The following MAPK10 variants were observed in gnomAD, a reference collection of about 807,000 sequenced individuals.
MAPK10 encodes the protein mitogen-activated protein kinase 10, also known as JNK3 alpha protein kinase.
MAPK10 carries 25 observed loss-of-function variants against 59.3 expected under a neutral mutation model. The observed-to-expected ratio is 0.42, with a 90% CI of 0.31 to 0.59. The LOEUF (loss-of-function observed/expected upper bound fraction) is 0.59, where lower values mean the gene tolerates loss of function less well. Ranked by LOEUF, MAPK10 falls within the 20% of genes least tolerant of loss-of-function variation. The probability of loss-of-function intolerance (pLI) is 0.15; values close to 1 mark genes in which losing one functional copy is unlikely to be tolerated. For synonymous variants in MAPK10, 190 were observed against 200.5 expected (o/e 0.95, Z 0.44); for missense variants, 351 against 568.9 (o/e 0.62, Z 3.90).
At chr4:86,212,714 C>T (rs10030225) in intron 2 of MAPK10, among the ~76,000 whole-genome samples, 8,007 of 151,828 alleles carry the variant, frequency 0.053, 569 homozygotes, top group African/African-American at 0.16. Flanking sequence ...AATAATAGAC[C>T]ATCAAAATAT....
intron 1 of MAPK10, among the ~76,000 whole-genome samples, chr4:86,493,397 A>G (rs1398741523): frequency 6.6e-6 from 1 of 152,186 alleles, no homozygotes; most frequent in Admixed American, 6.5e-5. Context: ...CAGAAAAGCA[A>G]ATTTTAAAAG....
At chr4:86,485,510 T>A (rs566302092) in intron 1 of MAPK10, among the ~76,000 whole-genome samples, 4 of 152,180 alleles carry the variant, frequency 2.6e-5, no homozygotes, top group Non-Finnish European at 4.4e-5. Context: ...TAATGAATGA[T>A]CAGATGAATT....
In MAPK10 at chr4:86,540,008, T is replaced by C. The variant is rs182013843; in HGVS notation, c.-263+53902A>G. Among the ~76,000 whole-genome samples the C allele has an allele frequency of 2.0e-5, 3 of 152,356 alleles. No homozygotes were observed. In the East Asian group the frequency reaches 5.8e-4, roughly 29 times the overall value. On this transcript the variant is annotated intron_variant, in intron 1 of 4. Coordinates refer to the MAPK10 transcript ENST00000502302. ...TATCAAATTGAATGTGGAGCTGTCA[T>C]TGGAAAATTTTAACCAAAGGGTTTT...
chr4:86,399,379 GT>G (rs1670548973), intron 1 of MAPK10, among the ~76,000 whole-genome samples: 1 of 152,052 alleles, frequency 6.6e-6, no homozygotes, highest in African/African-American at 2.4e-5. Flanking sequence ...ATTTTCATAT[GT>G]TTCTCAGCCA....
At chr4:86,516,580 T>A (rs745982315) in intron 1 of MAPK10, among the ~76,000 whole-genome samples, 1 of 152,158 alleles carries the variant, frequency 6.6e-6, no homozygotes, top group Non-Finnish European at 1.5e-5. Flanking sequence ...TATGGTTTTC[T>A]TCGTAAAGAT....
chr4:86,311,071 CAT>C (rs1332607334), intron 2 of MAPK10, among the ~76,000 whole-genome samples: 21 of 150,798 alleles, frequency 1.4e-4, no homozygotes, highest in African/African-American at 4.9e-4. Context: ...CACACACATA[CAT>C]GCACCCCAAC....
chr4:86,206,091 A>T (rs573882457), intron 2 of MAPK10, among the ~76,000 whole-genome samples: 2 of 151,848 alleles, frequency 1.3e-5, no homozygotes, highest in Admixed American at 6.6e-5. Context: ...CATGTGCACA[A>T]TGTGCAGGTT....
intron 11 of MAPK10, among the ~76,000 whole-genome samples, chr4:86,034,203 G>A (rs1286404113): frequency 6.6e-6 from 1 of 152,206 alleles, no homozygotes; most frequent in Non-Finnish European, 1.5e-5. Context: ...ACAGTTATCA[G>A]GGCCTGTGAC....
chr4:86,107,062 G>A (rs1779372974), intron 5 of MAPK10, 161 bp downstream of exon 5: 3 of 529,448 alleles, frequency 5.7e-6, no homozygotes, highest in Non-Finnish European at 1.0e-5. Context: ...AAGCTACCAT[G>A]AGGACAATGA....
intron 9 of MAPK10, among the ~76,000 whole-genome samples, chr4:86,072,170 C>G (rs202237197): frequency 5.3e-5 from 8 of 150,136 alleles, no homozygotes; most frequent in Non-Finnish European, 1.2e-4. Flanking sequence ...AATGGGAGTT[C>G]ACTCTTGATT....
intron 1 of MAPK10, among the ~76,000 whole-genome samples, chr4:86,527,679 T>C (rs1757572600): frequency 6.6e-6 from 1 of 152,086 alleles, no homozygotes; most frequent in South Asian, 2.1e-4. Context: ...CAGAGGAAAA[T>C]AAATCATTCT....
intron 1 of MAPK10, among the ~76,000 whole-genome samples, chr4:86,555,301 C>A (rs1331981774): frequency 6.6e-6 from 1 of 152,070 alleles, no homozygotes; most frequent in African/African-American, 2.4e-5. Context: ...CAAAAATTAG[C>A]CGGGCGCGGT....
At chr4:86,388,452 C>T (rs531247031) in intron 1 of MAPK10, among the ~76,000 whole-genome samples, 1 of 152,262 alleles carries the variant, frequency 6.6e-6, no homozygotes, top group South Asian at 2.1e-4. Flanking sequence ...AAGAACCCAG[C>T]AGATACCTCA....
chr4:86,157,235 C>G (rs1419694182), intron 4 of MAPK10, among the ~76,000 whole-genome samples: 1 of 151,964 alleles, frequency 6.6e-6, no homozygotes, highest in Non-Finnish European at 1.5e-5. Context: ...GACTCCATTT[C>G]AAACAAGTTA....
chr4:86,292,732 C>G lies in MAPK10; in HGVS notation c.-7+61798G>C, dbSNP rs112933187. On this transcript the variant is annotated intron_variant, in intron 2 of 13. Transcript: ENST00000641462. ...GACTCTGTTTCTAAAACAAAACAAA[C>G]AACAAGAAATAATAGATGTGTTTTG... Among the ~76,000 whole-genome samples the G allele has an allele frequency of 5.5e-3, 834 of 152,068 alleles. 10 individuals are homozygous for G. The highest frequency in any genetic ancestry group is 0.019 in the African/African-American group (788 of 41,492).
intron 2 of MAPK10, among the ~76,000 whole-genome samples, chr4:86,235,683 A>T (rs1156647957): frequency 6.6e-6 from 1 of 152,192 alleles, no homozygotes; most frequent in Non-Finnish European, 1.5e-5. Flanking sequence ...AGCATCACAG[A>T]CAAGCAAATA....
At chr4:86,516,822 T>C (rs889885190) in intron 1 of MAPK10, among the ~76,000 whole-genome samples, 5 of 152,202 alleles carry the variant, frequency 3.3e-5, no homozygotes, top group African/African-American at 1.2e-4. Flanking sequence ...GATGGGTCTT[T>C]AGGGTTTTCT....
rs1371546141 is a variant in MAPK10, at chr4:86,010,851, G to C, written c.*6377C>G. The C allele has an allele frequency of 6.6e-6, 1 of 152,134 alleles. No individual in the cohort carries two copies. Among genetic ancestry groups the C allele is most frequent in the Non-Finnish European group, 1.5e-5 (1 of 67,998 alleles). 9.4% of individuals were successfully genotyped at this position (152,134 alleles called of 1,614,324 possible). A position where few individuals can be genotyped will look rare whatever the true frequency, so the allele number is the denominator to read the frequency against. On this transcript the variant is annotated 3_prime_UTR_variant, in exon 14 of 14. Coordinates refer to ENST00000641462, the MANE Select transcript of MAPK10 (RefSeq NM_138982.4). The stretch of plus-strand genomic sequence containing the variant: ...GGGTTTTTAAGATGGATAACATTTT[G>C]TACCTGCTTTTGAGTTGCAAATGAT...
chr4:86,539,820 A>T (rs1011854723), intron 1 of MAPK10, among the ~76,000 whole-genome samples: 8 of 152,238 alleles, frequency 5.3e-5, no homozygotes, highest in African/African-American at 1.9e-4. Flanking sequence ...TAAGAGGCAT[A>T]TAGAAATGTG....
Sources: gnomAD v4.1 joint callset for allele counts (sites outside exome capture counted in the v4.1 genomes callset) on GRCh38, gnomAD v4.1.1 for gene constraint, MANE v1.5 for transcripts, NCBI Gene and HGNC (gene_info 2026-07-23, HGNC 2026-07-21) for gene names.